Variants in CASD1 observed in about 807,000 individuals in gnomAD.
CASD1 encodes the protein CAS1 domain sialic acid O acetyltransferase 1, also known as N-acetylneuraminate (7)9-O-acetyltransferase.
In CASD1, 41 loss-of-function variants were observed where a neutral mutation model predicts 100.0. The observed-to-expected ratio is 0.41, with a 90% CI of 0.32 to 0.53. CASD1 has a LOEUF of 0.53. Ranked by LOEUF, CASD1 falls within the 20% of genes least tolerant of loss-of-function variation. The pLI is 0.25. For synonymous variants in CASD1, 321 were observed against 315.6 expected, an observed-to-expected ratio of 1.02 and a Z score of -0.18; for missense variants, 774 against 948.7, an observed-to-expected ratio of 0.82 and a Z score of 2.42.
downstream of CASD1, among the ~76,000 whole-genome samples, chr7:94,561,496 C>T (rs916986600): frequency 1.3e-5 from 2 of 151,802 alleles, no homozygotes; most frequent in African/African-American, 4.9e-5. Context: ...CACTGTTATG[C>T]CTTCCTTAAA....
At chr7:94,629,565 A>C in the CASD1 span, 1 of 715,338 alleles carries the variant, frequency 1.4e-6, no homozygotes, top group Non-Finnish European at 2.4e-6. Flanking sequence ...TTAAATTTCT[A>C]ATCTGTAAAT....
chr7:94,603,186 G>A, the CASD1 span: 2 of 882,168 alleles, frequency 2.3e-6, no homozygotes, highest in Non-Finnish European at 3.6e-6. Context: ...TGCAGTTAAA[G>A]TAAACCTAGG....
chr7:94,513,307 A>G (rs1793811891), intron 1 of CASD1, among the ~76,000 whole-genome samples: 1 of 151,340 alleles, frequency 6.6e-6, no homozygotes, highest in Admixed American at 6.6e-5. Context: ...AAAAAAAAAA[A>G]TCAACTTTAT....
intron 16 of CASD1, among the ~76,000 whole-genome samples, chr7:94,552,781 AC>A (rs1350210671): frequency 6.6e-6 from 1 of 152,148 alleles, no homozygotes; most frequent in African/African-American, 2.4e-5. Flanking sequence ...TACTAAAAAT[AC>A]AAAAATTAGC....
Position 94,541,917 on chromosome 7 carries a change from C to T in CASD1, c.1357-2494C>T, listed in dbSNP as rs114498276. Among the ~76,000 whole-genome samples the T allele has an allele frequency of 2.9e-3, 448 of 152,088 alleles. 3 individuals carry two copies. Among genetic ancestry groups the T allele is most frequent in the African/African-American group, 0.01 (417 of 41,494 alleles). ...GTCTGCAACATACTTTTAAAAGGTCCAGCATACAGCATATAGGTGTCCATT... is the reference window on the plus strand; with the variant it reads ...GTCTGCAACATACTTTTAAAAGGTCTAGCATACAGCATATAGGTGTCCATT... On this transcript the variant is annotated intron_variant, in intron 10 of 17. Coordinates refer to ENST00000297273, the MANE Select transcript of CASD1 (RefSeq NM_022900.5).
the CASD1 span, among the ~76,000 whole-genome samples, chr7:94,604,860 ATAG>A: frequency 3.2e-5 from 2 of 63,480 alleles, no homozygotes; most frequent in Non-Finnish European, 6.7e-5. Context: ...TATATATATA[ATAG>A]TTGTTATAAC....
At chr7:94,538,031 C>G (rs1003541314) in intron 9 of CASD1, 137 bp downstream of exon 9, 13 of 603,248 alleles carry the variant, frequency 2.2e-5, no homozygotes, top group African/African-American at 2.0e-4. Context: ...ATTGTAGTTA[C>G]ACTTCACTTA....
the CASD1 span, among the ~76,000 whole-genome samples, chr7:94,562,422 GGTA>G: frequency 6.6e-6 from 1 of 152,048 alleles, no homozygotes; most frequent in African/African-American, 2.4e-5. Flanking sequence ...ATATACAAAT[GGTA>G]GTAGTAATAT....
the CASD1 span, chr7:94,589,557 C>G: frequency 6.6e-6 from 1 of 152,346 alleles, no homozygotes; most frequent in African/African-American, 2.4e-5. Flanking sequence ...GCAGGTAAGC[C>G]ATCGAAGCCT....
chr7:94,630,796 C>A, the CASD1 span, among the ~76,000 whole-genome samples: 1 of 151,870 alleles, frequency 6.6e-6, no homozygotes, highest in Non-Finnish European at 1.5e-5. Context: ...TCTTTTAAGT[C>A]ATTAATGGAT....
the CASD1 span, among the ~76,000 whole-genome samples, chr7:94,582,897 A>G: frequency 2.1e-4 from 32 of 152,238 alleles, no homozygotes; most frequent in African/African-American, 7.7e-4. Flanking sequence ...TCTGACTTAT[A>G]GTAACATATT....
At chr7:94,572,477 A>C in the CASD1 span, among the ~76,000 whole-genome samples, 5 of 152,312 alleles carry the variant, frequency 3.3e-5, no homozygotes, top group South Asian at 1.0e-3. Context: ...TTCTCTAATG[A>C]TCAGTGATAT....
chr7:94,561,346 G>A (rs1454018496), downstream of CASD1, among the ~76,000 whole-genome samples: 1 of 152,136 alleles, frequency 6.6e-6, no homozygotes, highest in Non-Finnish European at 1.5e-5. Flanking sequence ...TACACAGAAG[G>A]TCACTTCATT....
intron 3 of CASD1, among the ~76,000 whole-genome samples, chr7:94,524,436 T>C (rs1794444996): frequency 6.6e-6 from 1 of 152,142 alleles, no homozygotes; most frequent in Non-Finnish European, 1.5e-5. Flanking sequence ...GTGAGTTTTT[T>C]TTATACCTAC....
At chr7:94,544,349 TA>T in intron 10 of CASD1, 61 bp from the exon 11 acceptor site, 1 of 1,582,786 alleles carries the variant, frequency 6.3e-7, no homozygotes, top group South Asian at 1.1e-5. Context: ...ATGTACTTGT[TA>T]TGATAATCCA....
the CASD1 span, chr7:94,586,744 C>T: frequency 4.7e-5 from 31 of 665,032 alleles, no homozygotes; most frequent in Admixed American, 1.3e-4. Context: ...TCAGGTGATC[C>T]GCCTGCCTTG....
chr7:94,510,053 C>G lies in CASD1; in HGVS notation c.-32C>G. On this transcript the variant is annotated 5_prime_UTR_variant, in exon 1 of 18. Transcript: ENST00000297273. Reference sequence around the variant, plus strand: ...CCCTGTGCGGCGCCCCTTTCCCGCTCCGCCGCGCACTGTTGTCATGGAGGA... The same window carrying G: ...CCCTGTGCGGCGCCCCTTTCCCGCTGCGCCGCGCACTGTTGTCATGGAGGA... The G allele has an allele frequency of 6.8e-7, 1 of 1,478,254 alleles. No individual in the cohort carries two copies. The highest frequency in any genetic ancestry group is 1.3e-5 in the South Asian group (1 of 76,700). The allele number at this position is 1,478,254 out of a possible 1,614,324, so 91.6% of individuals were successfully genotyped here. A position where few individuals can be genotyped will look rare whatever the true frequency, so the allele number is the denominator to read the frequency against.
chr7:94,608,843 T>C, the CASD1 span, among the ~76,000 whole-genome samples: 3 of 152,182 alleles, frequency 2.0e-5, no homozygotes, highest in African/African-American at 4.8e-5. Context: ...TTTGAACAAA[T>C]GGTGTTGAAA....
the CASD1 span, among the ~76,000 whole-genome samples, chr7:94,569,319 G>A: frequency 3.9e-5 from 6 of 152,112 alleles, 1 homozygote; most frequent in South Asian, 1.2e-3. Flanking sequence ...CATCAATAAA[G>A]GAATAGTGGA....
Sources: gnomAD v4.1 joint callset for allele counts (sites outside exome capture counted in the v4.1 genomes callset) on GRCh38, gnomAD v4.1.1 for gene constraint, MANE v1.5 for transcripts, NCBI Gene and HGNC (gene_info 2026-07-23, HGNC 2026-07-21) for gene names.